SDK1: variants seen among roughly 807,000 people sequenced by gnomAD.
SDK1 encodes the protein protein sidekick-1.
SDK1 carries 157 observed loss-of-function variants against 245.5 expected under a neutral mutation model. The ratio of observed to expected loss-of-function variants is 0.64; its 90% CI spans 0.56 to 0.73. The LOEUF (loss-of-function observed/expected upper bound fraction) is 0.73. Ranked by LOEUF, SDK1 falls within the 30% of genes least tolerant of loss-of-function variation. The probability of loss-of-function intolerance (pLI) is 0.00; values close to 1 mark genes in which losing one functional copy is unlikely to be tolerated. For synonymous variants in SDK1, 1,647 were observed against 1,278.5 expected (o/e 1.29, Z -6.15); for missense variants, 3,583 against 3,002.3 (o/e 1.19, Z -4.52).
rs144014173 is a variant in SDK1, at chr7:3,457,023, C to T, written c.298+155139C>T. Among the ~76,000 whole-genome samples the T allele has an allele frequency of 4.1e-3, 631 of 152,300 alleles. 6 individuals are homozygous for T. Among genetic ancestry groups the T allele is most frequent in the African/African-American group, 0.014 (592 of 41,550 alleles). Reference sequence around the variant, plus strand: ...CTCAAGGGTGCACAAGGTGCTTCCGCAGTCCTGGCTGCCTGGGAACTTTAA... The same window carrying T: ...CTCAAGGGTGCACAAGGTGCTTCCGTAGTCCTGGCTGCCTGGGAACTTTAA... On this transcript the variant is annotated intron_variant, in intron 1 of 44. Coordinates refer to ENST00000404826, the MANE Select transcript of SDK1 (RefSeq NM_152744.4).
intron 35 of SDK1, among the ~76,000 whole-genome samples, chr7:4,187,239 TA>T (rs1184277559): frequency 1.3e-5 from 2 of 152,166 alleles, no homozygotes; most frequent in Admixed American, 6.5e-5. Flanking sequence ...CCTCCATAGT[TA>T]ACCCACGGCA....
At chr7:3,380,532 T>G (rs1332247460) in intron 1 of SDK1, among the ~76,000 whole-genome samples, 1 of 152,220 alleles carries the variant, frequency 6.6e-6, no homozygotes, top group Non-Finnish European at 1.5e-5. Flanking sequence ...TTGGCCAACT[T>G]TGGTGTTGTA....
intron 1 of SDK1, among the ~76,000 whole-genome samples, chr7:3,553,632 C>T (rs1267742463): frequency 1.3e-5 from 2 of 152,110 alleles, no homozygotes; most frequent in Non-Finnish European, 2.9e-5. Context: ...AAGGGAAATA[C>T]TCTTCTTTCT....
chr7:4,224,810 G>C (rs1019793677), intron 40 of SDK1, among the ~76,000 whole-genome samples: 7 of 151,388 alleles, frequency 4.6e-5, no homozygotes, highest in African/African-American at 1.5e-4. Context: ...GTGAAACCCA[G>C]TCTGTACTAC....
intron 1 of SDK1, among the ~76,000 whole-genome samples, chr7:3,313,461 G>A (rs1779596141): frequency 6.6e-6 from 1 of 152,000 alleles, no homozygotes; most frequent in Non-Finnish European, 1.5e-5. Context: ...ATTAGTAGTT[G>A]GAACTACTAA....
chr7:4,150,337 G>T (rs565393914), intron 30 of SDK1, among the ~76,000 whole-genome samples: 1 of 152,308 alleles, frequency 6.6e-6, no homozygotes, highest in African/African-American at 2.4e-5. Context: ...TGGAGCGGGG[G>T]TCTTGGAGTG....
chr7:4,250,090 C>A (rs1221005012), intron 44 of SDK1, among the ~76,000 whole-genome samples: 1 of 152,202 alleles, frequency 6.6e-6, no homozygotes, highest in Non-Finnish European at 1.5e-5. Context: ...CAGTAAGCTA[C>A]TTTCTACCTC....
intron 1 of SDK1, among the ~76,000 whole-genome samples, chr7:3,360,156 T>C (rs769324176): frequency 4.3e-4 from 65 of 152,322 alleles, no homozygotes; most frequent in Non-Finnish European, 8.5e-4. Context: ...TAACCACTTT[T>C]ATTAGTTTGC....
intron 13 of SDK1, among the ~76,000 whole-genome samples, chr7:3,982,346 TGAA>T (rs1449936825): frequency 2.0e-5 from 3 of 152,284 alleles, no homozygotes; most frequent in South Asian, 2.1e-4. Flanking sequence ...TACAAGGAGA[TGAA>T]TGTGGGTTTC....
chr7:3,403,249 T>G (rs1333421045), intron 1 of SDK1, among the ~76,000 whole-genome samples: 1 of 152,168 alleles, frequency 6.6e-6, no homozygotes, highest in Non-Finnish European at 1.5e-5. Flanking sequence ...TTCTGTTTCT[T>G]ATGAGCTTAC....
intron 44 of SDK1, among the ~76,000 whole-genome samples, chr7:4,247,500 A>G (rs1786963267): frequency 2.6e-5 from 4 of 152,252 alleles, no homozygotes. Context: ...AGCTCGCTGC[A>G]TGTACGAAAG....
chr7:3,959,735 A>C (rs1781529597), intron 8 of SDK1, among the ~76,000 whole-genome samples: 1 of 152,180 alleles, frequency 6.6e-6, no homozygotes, highest in Admixed American at 6.5e-5. Flanking sequence ...AGGTTGCTGC[A>C]AAAGACACCC....
rs564796478 is a variant in SDK1, at chr7:3,717,980, AC to A, written c.713+75877del. ...CATTTAAAAAAAAAAAAAACTGTAA[AC>A]CTTTATGTCTCATGAATATAGGTGC... On this transcript the variant is annotated intron_variant, in intron 4 of 44. Transcript: ENST00000404826. Among the ~76,000 whole-genome samples the A allele has an allele frequency of 1.9e-3, 286 of 152,180 alleles. 3 individuals are homozygous for A. The highest frequency in any genetic ancestry group is 6.7e-3 in the African/African-American group (279 of 41,504).
intron 4 of SDK1, among the ~76,000 whole-genome samples, chr7:3,739,900 C>T (rs1479237809): frequency 6.6e-6 from 1 of 152,168 alleles, no homozygotes; most frequent in East Asian, 1.9e-4. Context: ...AGATTTCCTA[C>T]CCTATGCAGA....
chr7:3,778,370 T>C lies in SDK1; in HGVS notation c.714-43080T>C, dbSNP rs1299107399. Among the ~76,000 whole-genome samples the C allele has an allele frequency of 5.9e-5, 9 of 152,374 alleles. No individual in the cohort carries two copies. In the East Asian group the frequency reaches 1.3e-3, roughly 23 times the overall value. On this transcript the variant is annotated intron_variant, in intron 4 of 44. Transcript: ENST00000404826. Reference sequence around the variant, plus strand: ...GCTTAGATTTTAAAACTAATGCTTTTGTTAAGTGTTTTGGCTTTGAACAAA... The same window carrying C: ...GCTTAGATTTTAAAACTAATGCTTTCGTTAAGTGTTTTGGCTTTGAACAAA...
At chr7:4,205,028 C>T (rs1234694656) in intron 35 of SDK1, among the ~76,000 whole-genome samples, 1 of 152,222 alleles carries the variant, frequency 6.6e-6, no homozygotes, top group Admixed American at 6.5e-5. Context: ...GCGGCCGCAA[C>T]ATCCTCATGT....
rs546942660 is a variant in SDK1 at position 4,042,330 on chromosome 7, A to G, written c.2603-7018A>G. Among the ~76,000 whole-genome samples the G allele has an allele frequency of 6.6e-5, 9 of 136,042 alleles. 2 individuals are homozygous for G. The South Asian group carries it at 2.0e-3, about 31-fold the overall frequency. 89.2% of individuals were successfully genotyped at this position (136,042 alleles called of 152,430 possible). A position where few individuals can be genotyped will look rare whatever the true frequency, so the allele number is the denominator to read the frequency against. On this transcript the variant is annotated intron_variant, in intron 17 of 44. Transcript: ENST00000404826. ...CAGGTTTCACATATTTCCGTGGGATATAAAACCCCTAGTGCCTGAAACTGC... is the reference window on the plus strand; with the variant it reads ...CAGGTTTCACATATTTCCGTGGGATGTAAAACCCCTAGTGCCTGAAACTGC...
At chr7:4,011,589 C>T (rs1474170029) in intron 15 of SDK1, among the ~76,000 whole-genome samples, 2 of 152,360 alleles carry the variant, frequency 1.3e-5, no homozygotes, top group South Asian at 4.1e-4. Flanking sequence ...TGAAAAATCT[C>T]ATTCGGAGGT....
intron 1 of SDK1, among the ~76,000 whole-genome samples, chr7:3,612,688 A>T (rs1562601779): frequency 6.6e-6 from 1 of 152,208 alleles, no homozygotes; most frequent in Non-Finnish European, 1.5e-5. Flanking sequence ...TGAAAGGAAG[A>T]TTAGTGGTTT....
Sources: allele counts gnomAD v4.1 joint callset (sites outside exome capture counted in the v4.1 genomes callset), GRCh38; gene constraint gnomAD v4.1.1; transcripts MANE v1.5; gene names NCBI Gene and HGNC (gene_info 2026-07-23, HGNC 2026-07-21).